NKAIN3: variants seen among roughly 807,000 people sequenced by gnomAD.
NKAIN3 encodes the protein sodium/potassium transporting ATPase interacting 3.
In NKAIN3, 25 loss-of-function variants were observed where a neutral mutation model predicts 30.2. The observed-to-expected ratio is 0.83, with a 90% CI of 0.60 to 1.16. NKAIN3 has a LOEUF of 1.16. NKAIN3 is among the 50% of genes most tolerant of loss of function. The pLI is 0.00. For synonymous variants in NKAIN3, 91 were observed against 89.6 expected (o/e 1.02, Z -0.09); for missense variants, 225 against 254.1 (o/e 0.89, Z 0.78).
At chr8:62,873,548 C>A (rs1297727189) in intron 4 of NKAIN3, among the ~76,000 whole-genome samples, 1 of 149,768 alleles carries the variant, frequency 6.7e-6, no homozygotes, top group Admixed American at 6.7e-5. Flanking sequence ...CCTCTCAGTA[C>A]CACATGGCAC....
chr8:62,371,776 C>G (rs1585733688), intron 1 of NKAIN3, among the ~76,000 whole-genome samples: 1 of 151,310 alleles, frequency 6.6e-6, no homozygotes, highest in Admixed American at 6.6e-5. Flanking sequence ...TTTCACATAC[C>G]CCTATTTTAT....
chr8:62,617,075 C>G (rs1811478531), intron 3 of NKAIN3, among the ~76,000 whole-genome samples: 2 of 109,490 alleles, frequency 1.8e-5, no homozygotes, highest in Admixed American at 7.9e-5. Flanking sequence ...TGTGATGCAC[C>G]TGCTCCACTT....
chr8:62,750,969 T>C (rs1183233925), intron 4 of NKAIN3, among the ~76,000 whole-genome samples: 1 of 152,150 alleles, frequency 6.6e-6, no homozygotes, highest in Non-Finnish European at 1.5e-5. Flanking sequence ...CTACACTTCA[T>C]GCATGCCTCC....
chr8:62,620,225 T>C (rs73683345), intron 3 of NKAIN3, among the ~76,000 whole-genome samples: 72,729 of 151,494 alleles, frequency 0.48, 20,482 homozygotes, highest in African/African-American at 0.79. Flanking sequence ...TGTCCCTGTG[T>C]CTTCAGATGT....
intron 4 of NKAIN3, among the ~76,000 whole-genome samples, chr8:62,916,129 A>ACC (rs1822094704): frequency 6.6e-6 from 1 of 152,200 alleles, no homozygotes; most frequent in Non-Finnish European, 1.5e-5. Flanking sequence ...AATGTGTAAA[A>ACC]AATAGTCATA....
chr8:62,828,821 A>G, intron 4 of NKAIN3, among the ~76,000 whole-genome samples: 1 of 152,136 alleles, frequency 6.6e-6, no homozygotes, highest in Middle Eastern at 3.2e-3. Context: ...TAATCTCATG[A>G]AGAAAGAAAC....
At chr8:62,935,317 G>A (rs1470887696) in intron 5 of NKAIN3, among the ~76,000 whole-genome samples, 1 of 152,124 alleles carries the variant, frequency 6.6e-6, no homozygotes, top group East Asian at 1.9e-4. Flanking sequence ...GTTAATGAGA[G>A]TGTATCCTCA....
chr8:62,789,275 A>G (rs1311021716), intron 4 of NKAIN3, among the ~76,000 whole-genome samples: 1 of 151,968 alleles, frequency 6.6e-6, no homozygotes, highest in East Asian at 1.9e-4. Flanking sequence ...ATTGCTAGGT[A>G]TTTTATTCTC....
intron 4 of NKAIN3, among the ~76,000 whole-genome samples, chr8:62,791,257 C>T (rs1817694542): frequency 6.6e-6 from 1 of 151,990 alleles, no homozygotes; most frequent in Non-Finnish European, 1.5e-5. Context: ...CCAACAAGAA[C>T]ATAAAATGAA....
At chr8:62,421,620 T>TTCTC (rs377118283) in intron 1 of NKAIN3, among the ~76,000 whole-genome samples, 27 of 148,194 alleles carry the variant, frequency 1.8e-4, no homozygotes, top group Non-Finnish European at 3.6e-4. Flanking sequence ...CTCTCTCTCT[T>TTCTC]TCTCTCTCTC....
intron 1 of NKAIN3, among the ~76,000 whole-genome samples, chr8:62,317,296 A>G (rs980205823): frequency 6.6e-6 from 1 of 152,122 alleles, no homozygotes; most frequent in African/African-American, 2.4e-5. Context: ...CCGTTTGTCA[A>G]TTTTGACTTT....
chr8:62,702,441 T>C (rs28714560), intron 3 of NKAIN3, among the ~76,000 whole-genome samples: 2,841 of 152,304 alleles, frequency 0.019, 84 homozygotes, highest in African/African-American at 0.063. Context: ...CAGAAGCATA[T>C]GTTTGGTTAT....
intron 1 of NKAIN3, among the ~76,000 whole-genome samples, chr8:62,439,543 TA>T (rs368438808): frequency 6.6e-6 from 1 of 152,166 alleles, no homozygotes; most frequent in African/African-American, 2.4e-5. Context: ...TCATCCTGAG[TA>T]AAAAAATGTA....
chr8:62,848,595 T>C (rs372038774), intron 4 of NKAIN3, among the ~76,000 whole-genome samples: 2 of 152,294 alleles, frequency 1.3e-5, no homozygotes, highest in East Asian at 3.9e-4. Context: ...ATTCTAGACA[T>C]AGGATCATGT....
chr8:62,379,702 G>A (rs1255171647), intron 1 of NKAIN3, among the ~76,000 whole-genome samples: 1 of 152,126 alleles, frequency 6.6e-6, no homozygotes, highest in Non-Finnish European at 1.5e-5. Context: ...CCCAAGCTAT[G>A]CAGAACTGTG....
intron 4 of NKAIN3, among the ~76,000 whole-genome samples, chr8:62,909,143 C>T (rs557527399): frequency 3.9e-4 from 60 of 152,130 alleles, no homozygotes; most frequent in Non-Finnish European, 5.3e-4. Context: ...GGTTATCCTC[C>T]TAGTACCTAC....
chr8:62,841,124 AC>A (rs1348542450), intron 4 of NKAIN3, among the ~76,000 whole-genome samples: 1 of 151,900 alleles, frequency 6.6e-6, no homozygotes, highest in Non-Finnish European at 1.5e-5. Flanking sequence ...ATAATTAAGG[AC>A]CCTAGAATGC....
chr8:62,671,831 T>G (rs1813315206), intron 3 of NKAIN3, among the ~76,000 whole-genome samples: 1 of 152,120 alleles, frequency 6.6e-6, no homozygotes, highest in African/African-American at 2.4e-5. Context: ...AAAAAATGAC[T>G]TCAGCAGTCC....
chr8:62,388,035 A>G (rs1389163233), intron 1 of NKAIN3, among the ~76,000 whole-genome samples: 3 of 152,162 alleles, frequency 2.0e-5, no homozygotes, highest in Non-Finnish European at 4.4e-5. Context: ...ATGCCTTACT[A>G]TGTAATGACA....
Sources: allele counts gnomAD v4.1 joint callset (sites outside exome capture counted in the v4.1 genomes callset), GRCh38; gene constraint gnomAD v4.1.1; transcripts MANE v1.5; gene names NCBI Gene and HGNC (gene_info 2026-07-23, HGNC 2026-07-21).